The following TNC variants were observed in gnomAD, a reference collection of about 807,000 sequenced individuals.
The protein encoded by TNC is tenascin C, also known as tenascin.
Under a neutral mutation model 202.4 loss-of-function variants are expected in TNC, and 109 were observed. The ratio of observed to expected loss-of-function variants is 0.54; its 90% CI spans 0.46 to 0.63. The LOEUF (loss-of-function observed/expected upper bound fraction) is 0.63, where lower values mean the gene tolerates loss of function less well. TNC is among the 30% of genes least tolerant of loss of function. The pLI is 0.00. For synonymous variants in TNC, 1,007 were observed against 1,089.7 expected, an observed-to-expected ratio of 0.92 and a Z score of 1.50; for missense variants, 2,756 against 2,833.3, an observed-to-expected ratio of 0.97 and a Z score of 0.62.
At chr9:115,115,269 C>T (rs2134501699) in intron 1 of TNC, among the ~76,000 whole-genome samples, 1 of 152,328 alleles carries the variant, frequency 6.6e-6, no homozygotes, top group South Asian at 2.1e-4. Flanking sequence ...TGGCCACAGT[C>T]TGCCTGGAGG....
At chr9:115,058,987 T>G (rs531656816) in intron 14 of TNC, among the ~76,000 whole-genome samples, 17 of 152,278 alleles carry the variant, frequency 1.1e-4, no homozygotes, top group Middle Eastern at 3.4e-3. Flanking sequence ...AAACTCTTGA[T>G]TAAAAGAGCA....
At chr9:115,025,540 C>G (rs577720858) in intron 26 of TNC, among the ~76,000 whole-genome samples, 119 of 152,232 alleles carry the variant, frequency 7.8e-4, no homozygotes, top group Non-Finnish European at 1.5e-3. Flanking sequence ...TGGGGGTGGT[C>G]CACACTCTCA....
intron 6 of TNC, among the ~76,000 whole-genome samples, chr9:115,080,885 C>A (rs1316061127): frequency 1.4e-5 from 2 of 143,696 alleles, no homozygotes; most frequent in Admixed American, 7.0e-5. Context: ...GCACTCCAGC[C>A]TGGGTGACAG....
Position 115,063,813 on chromosome 9 carries a change from GAGAGA to G in TNC, c.3738_3742del (p.Leu1247CysfsTer2). On this transcript the variant is annotated frameshift_variant, in exon 12 of 28. Transcript: ENST00000350763. LOFTEE classifies it high-confidence loss of function. ...TAGAATACCTGTCAAGACTTCAACA[GAGAGA>G]GGGGTTGTGCTGAAGTCCTGAGTGA... 1 of 1,612,822 alleles carries G rather than the reference GAGAGA, an allele frequency of 6.2e-7. No homozygotes were observed. The highest frequency in any genetic ancestry group is 8.5e-7 in the Non-Finnish European group (1 of 1,178,920).
intron 6 of TNC, among the ~76,000 whole-genome samples, chr9:115,080,063 C>G (rs1193785396): frequency 6.6e-6 from 1 of 152,168 alleles, no homozygotes; most frequent in Non-Finnish European, 1.5e-5. Context: ...GAGTTCAAAA[C>G]CAGCCTGGCC....
At chr9:115,044,777 G>A (rs1469455599) in intron 17 of TNC, among the ~76,000 whole-genome samples, 1 of 151,790 alleles carries the variant, frequency 6.6e-6, no homozygotes, top group Admixed American at 6.6e-5. Context: ...CTGTTAATAA[G>A]AAACAGGGTT....
At chr9:115,046,309 C>G in intron 17 of TNC, 101 bp downstream of exon 17, 1 of 1,378,890 alleles carries the variant, frequency 7.3e-7, no homozygotes, top group Non-Finnish European at 1.0e-6. Context: ...ATCAGAGCGC[C>G]AGCCTGCCTG....
At chr9:115,105,228 C>T (rs75219905) in intron 1 of TNC, among the ~76,000 whole-genome samples, 2,942 of 152,258 alleles carry the variant, frequency 0.019, 99 homozygotes, top group African/African-American at 0.068. Context: ...AGACTACTCC[C>T]GTAATTAATT....
At chr9:115,042,077 C>T (rs1400912200) in intron 18 of TNC, 142 bp downstream of exon 18, 3 of 1,323,798 alleles carry the variant, frequency 2.3e-6, no homozygotes, top group East Asian at 2.3e-5. Context: ...AATGAGTTCT[C>T]TTCTCTCCAG....
chr9:115,025,402 A>C (rs1042873548), intron 26 of TNC, among the ~76,000 whole-genome samples: 1 of 152,124 alleles, frequency 6.6e-6, no homozygotes, highest in Non-Finnish European at 1.5e-5. Flanking sequence ...GCAACCTTTT[A>C]TCTGGAGACT....
chr9:115,028,492 A>T (rs1226843404), intron 25 of TNC, among the ~76,000 whole-genome samples: 1 of 152,138 alleles, frequency 6.6e-6, no homozygotes, highest in Non-Finnish European at 1.5e-5. Context: ...AGTGAGGAGG[A>T]TTCTATGACT....
At chr9:115,034,556 T>C (rs1049610827) in intron 22 of TNC, among the ~76,000 whole-genome samples, 1 of 152,050 alleles carries the variant, frequency 6.6e-6, no homozygotes, top group Non-Finnish European at 1.5e-5. Flanking sequence ...GATAAAGAGA[T>C]GATGATATAG....
intron 15 of TNC, 70 bp from the exon 16 acceptor site, chr9:115,048,602 C>A: frequency 6.9e-7 from 1 of 1,446,644 alleles, no homozygotes. Flanking sequence ...CACACGTTTC[C>A]AAGAACACCA....
chr9:115,052,903 A>G (rs1486270956), intron 15 of TNC: 1 of 702,638 alleles, frequency 1.4e-6, no homozygotes, highest in Non-Finnish European at 2.6e-6. Context: ...AGTGAGCGTC[A>G]CTCACATTGA....
chr9:115,036,512 A>C (rs1261832594), intron 20 of TNC, among the ~76,000 whole-genome samples: 1 of 152,140 alleles, frequency 6.6e-6, no homozygotes, highest in Non-Finnish European at 1.5e-5. Context: ...TTTTTCCCAC[A>C]TGGTACTGGC....
intron 4 of TNC, among the ~76,000 whole-genome samples, chr9:115,083,253 AG>A (rs1380333877): frequency 6.6e-6 from 1 of 152,198 alleles, no homozygotes; most frequent in Non-Finnish European, 1.5e-5. Context: ...CGTGGCATGC[AG>A]AACAAGTTGA....
At chr9:115,088,429 T>C (rs1834962179) in intron 2 of TNC, among the ~76,000 whole-genome samples, 1 of 152,232 alleles carries the variant, frequency 6.6e-6, no homozygotes, top group South Asian at 2.1e-4. Context: ...CTTTATCTTT[T>C]ATTTCTTTCT....
chr9:115,060,810 G>C (rs529936823), intron 13 of TNC, among the ~76,000 whole-genome samples: 45 of 152,234 alleles, frequency 3.0e-4, no homozygotes, highest in Non-Finnish European at 5.3e-4. Context: ...TTCTCAGCTT[G>C]TTTCTTCTTC....
chr9:115,057,129 A>T (rs757500787), intron 15 of TNC, 24 bp downstream of exon 15: 1 of 1,592,208 alleles, frequency 6.3e-7, no homozygotes, highest in Non-Finnish European at 8.6e-7. Context: ...AGAGTGCGTT[A>T]GAAATGGGAG....
Sources: allele counts gnomAD v4.1 joint callset (sites outside exome capture counted in the v4.1 genomes callset), GRCh38; gene constraint gnomAD v4.1.1; transcripts MANE v1.5; gene names NCBI Gene and HGNC (gene_info 2026-07-23, HGNC 2026-07-21).